Variants in DTNB observed in about 807,000 individuals in gnomAD.
DTNB encodes the protein DTN-B.
A neutral mutation model predicts 90.7 loss-of-function variants in DTNB; 63 were observed. That is an observed-to-expected ratio of 0.69 (90% CI 0.57 to 0.86). DTNB has a LOEUF of 0.86. Among genes scored for constraint, DTNB ranks in the 40% least tolerant of loss-of-function variants. The pLI, the probability that DTNB is intolerant of heterozygous loss-of-function variation, is 0.00. For synonymous variants in DTNB, 277 were observed against 286.7 expected, an observed-to-expected ratio of 0.97 and a Z score of 0.34; for missense variants, 744 against 807.1, an observed-to-expected ratio of 0.92 and a Z score of 0.95.
intron 4 of DTNB, among the ~76,000 whole-genome samples, chr2:25,616,322 T>A (rs537969185): frequency 1.3e-5 from 2 of 150,532 alleles, no homozygotes; most frequent in African/African-American, 4.8e-5. Flanking sequence ...TTCTATATAT[T>A]ATAATAATTA....
rs541362874 is a variant in DTNB, at chr2:25,476,125, A to G, written c.1079+6671T>C. Among the ~76,000 whole-genome samples, 9 of 149,604 alleles carry G rather than the reference A, an allele frequency of 6.0e-5. No individual in the cohort carries two copies. The South Asian group carries it at 1.7e-3, about 28-fold the overall frequency. ...CTCTTGTCACCTAGGCTGGAGTGCAATGGCACAATCTCGGCTCACTGCAAC... is the reference window on the plus strand; with the variant it reads ...CTCTTGTCACCTAGGCTGGAGTGCAGTGGCACAATCTCGGCTCACTGCAAC... On this transcript the variant is annotated intron_variant, in intron 10 of 20. Transcript: ENST00000406818.
intron 15 of DTNB, among the ~76,000 whole-genome samples, chr2:25,422,070 C>T (rs2049900744): frequency 6.6e-6 from 1 of 152,150 alleles, no homozygotes; most frequent in African/African-American, 2.4e-5. Context: ...CAGGTCAGAT[C>T]CCAGGTCTGA....
intron 16 of DTNB, among the ~76,000 whole-genome samples, chr2:25,401,057 T>G (rs1301372312): frequency 6.6e-6 from 1 of 152,206 alleles, no homozygotes; most frequent in African/African-American, 2.4e-5. Flanking sequence ...CATTCATTTT[T>G]CATTTGAGGA....
intron 10 of DTNB, among the ~76,000 whole-genome samples, chr2:25,476,246 T>TTACTA (rs1300978174): frequency 6.6e-6 from 1 of 152,052 alleles, no homozygotes; most frequent in Non-Finnish European, 1.5e-5. Context: ...TTTTTGTAGT[T>TTACTA]TTAGTAGAGG....
At chr2:25,591,362 T>C (rs1164972196) in intron 6 of DTNB, among the ~76,000 whole-genome samples, 1 of 152,194 alleles carries the variant, frequency 6.6e-6, no homozygotes. Context: ...CTATGGAGCA[T>C]GCAGCCCCAG....
chr2:25,626,311 GCTTA>G, intron 4 of DTNB, among the ~76,000 whole-genome samples: 1 of 152,268 alleles, frequency 6.6e-6, no homozygotes, highest in South Asian at 2.1e-4. Flanking sequence ...ATAAGGTGCT[GCTTA>G]CTTATTACAG....
chr2:25,482,221 GA>G (rs1461424251), intron 10 of DTNB, among the ~76,000 whole-genome samples: 1 of 152,140 alleles, frequency 6.6e-6, no homozygotes, highest in African/African-American at 2.4e-5. Context: ...AATTTTTGGA[GA>G]AGAGCAAATT....
At chr2:25,535,339 G>A (rs550168689) in intron 8 of DTNB, among the ~76,000 whole-genome samples, 412 of 133,382 alleles carry the variant, frequency 3.1e-3, no homozygotes, top group African/African-American at 0.011. Context: ...CCTCCCATTC[G>A]GGGCAGCCGG....
chr2:25,643,413 A>G (rs1399942173), intron 2 of DTNB, among the ~76,000 whole-genome samples: 1 of 152,232 alleles, frequency 6.6e-6, no homozygotes, highest in East Asian at 1.9e-4. Context: ...TCACTGTTCA[A>G]TGCTAACTAG....
At chr2:25,477,070 A>G (rs907390160) in intron 10 of DTNB, among the ~76,000 whole-genome samples, 2 of 152,242 alleles carry the variant, frequency 1.3e-5, no homozygotes, top group African/African-American at 4.8e-5. Context: ...ATCAGCATTG[A>G]GGCAAGACTC....
At chr2:25,635,249 A>G (rs1353979460) in intron 3 of DTNB, among the ~76,000 whole-genome samples, 1 of 151,982 alleles carries the variant, frequency 6.6e-6, no homozygotes. Context: ...CCTGGACAAC[A>G]TGGCGAAACT....
rs984461566 is a variant in DTNB at position 25,536,677 on chromosome 2, C to G, written c.877-5080G>C. ...AGATCATGGCAGTACAGTCCAGGCT[C>G]CGCAAGAGAGGGAGACGGTAGAAAG... On this transcript the variant is annotated intron_variant, in intron 8 of 20. Transcript: ENST00000406818. Among the ~76,000 whole-genome samples, 5 of 152,100 alleles carry G rather than the reference C, an allele frequency of 3.3e-5. No homozygotes were observed. The East Asian group carries it at 9.6e-4, about 29-fold the overall frequency.
At chr2:25,601,266 G>A (rs2065824107) in intron 5 of DTNB, among the ~76,000 whole-genome samples, 1 of 151,864 alleles carries the variant, frequency 6.6e-6, no homozygotes. Flanking sequence ...TGGTATTAAG[G>A]GACTAAATTA....
chr2:25,522,363 A>C (rs1029933997), intron 9 of DTNB, among the ~76,000 whole-genome samples: 1 of 152,232 alleles, frequency 6.6e-6, no homozygotes, highest in African/African-American at 2.4e-5. Flanking sequence ...AACCAAAACC[A>C]AAACAAAACG....
intron 20 of DTNB, among the ~76,000 whole-genome samples, chr2:25,378,116 G>A (rs932048261): frequency 1.3e-5 from 2 of 152,194 alleles, no homozygotes; most frequent in Admixed American, 6.5e-5. Flanking sequence ...GCTCTGCCAC[G>A]TTCCCTTGCA....
chr2:25,456,845 GGT>G (rs2060116594), intron 10 of DTNB, among the ~76,000 whole-genome samples: 1 of 152,028 alleles, frequency 6.6e-6, no homozygotes, highest in African/African-American at 2.4e-5. Flanking sequence ...TGGGATTACA[GGT>G]GTGAGCCACT....
chr2:25,399,142 G>A (rs1189275710), intron 16 of DTNB, among the ~76,000 whole-genome samples: 1 of 152,068 alleles, frequency 6.6e-6, no homozygotes, highest in East Asian at 1.9e-4. Flanking sequence ...TCTGCCTCCT[G>A]GGTTCAAATG....
intron 1 of DTNB, among the ~76,000 whole-genome samples, chr2:25,654,887 T>G (rs750185977): frequency 3.9e-5 from 6 of 152,220 alleles, no homozygotes; most frequent in Non-Finnish European, 7.3e-5. Flanking sequence ...TTGTGAGGAC[T>G]CACAGCAAAT....
chr2:25,536,631 C>T (rs2079855954), intron 8 of DTNB, among the ~76,000 whole-genome samples: 1 of 150,940 alleles, frequency 6.6e-6, no homozygotes, highest in Admixed American at 6.6e-5. Context: ...GAGCCCGAGG[C>T]AGGGAGGTTG....
Sources: gnomAD v4.1 joint callset for allele counts (sites outside exome capture counted in the v4.1 genomes callset) on GRCh38, gnomAD v4.1.1 for gene constraint, MANE v1.5 for transcripts, NCBI Gene and HGNC (gene_info 2026-07-23, HGNC 2026-07-21) for gene names.